The following PDILT variants were observed in gnomAD, a reference collection of about 807,000 sequenced individuals.
The protein encoded by PDILT is protein disulfide isomerase like, testis expressed.
A neutral mutation model predicts 53.7 loss-of-function variants in PDILT; 43 were observed. The observed-to-expected ratio is 0.80, with a 90% CI of 0.63 to 1.03. The LOEUF is 1.03. PDILT is among the 50% of genes least tolerant of loss of function. The pLI, the probability that PDILT is intolerant of heterozygous loss-of-function variation, is 0.00. For missense variants in PDILT, 727 were observed against 712.3 expected, an observed-to-expected ratio of 1.02 and a Z score of -0.24; for synonymous variants, 282 against 274.2, an observed-to-expected ratio of 1.03 and a Z score of -0.28.
At position 20,365,452 on chromosome 16, in the gene PDILT, A is replaced by G. The variant is rs1186341114; in HGVS notation, c.1205T>C (p.Phe402Ser). The G allele has an allele frequency of 6.2e-7, 1 of 1,613,970 alleles. No individual in the cohort carries two copies. The highest frequency in any genetic ancestry group is 8.5e-7 in the Non-Finnish European group (1 of 1,179,950). Residue 402 changes from phenylalanine (F) to serine (S), a missense_variant, in exon 9 of 12, where the codon TTT (phenylalanine) becomes TCT (serine). Coordinates refer to ENST00000302451, the MANE Select transcript of PDILT (RefSeq NM_174924.2). ...CACAAATACGTCCTTTTCTTTGTCA[A>G]AGACGACTACGTTGAAGTTCTTCCC... ...LVGKNFNVVV[F>S]DKEKDVFVMF...
At position 20,372,939 on chromosome 16, in the gene PDILT, AG is replaced by A; in HGVS notation, c.793-13del. The stretch of plus-strand genomic sequence containing the variant: ...ATCAGATCCTTATTCTGAAATGACC[AG>A]GAAAATATGTCATCCCAAGCACACA... On this transcript the variant is annotated splice_polypyrimidine_tract_variant and intron_variant, in intron 6 of 11. Coordinates refer to ENST00000302451, the MANE Select transcript of PDILT (RefSeq NM_174924.2). The A allele has an allele frequency of 6.2e-7, 1 of 1,614,062 alleles. No homozygotes were observed. The highest frequency in any genetic ancestry group is 8.5e-7 in the Non-Finnish European group (1 of 1,179,924).
intron 2 of PDILT, among the ~76,000 whole-genome samples, chr16:20,396,249 T>C (rs529335137): frequency 5.3e-5 from 8 of 152,310 alleles, no homozygotes; most frequent in South Asian, 4.1e-4. Context: ...CAAGGCCACA[T>C]ATCCAGTTTA....
intron 2 of PDILT, 102 bp from the exon 3 acceptor site, chr16:20,384,953 T>C (rs947449281): frequency 8.9e-7 from 1 of 1,118,106 alleles, no homozygotes; most frequent in Non-Finnish European, 1.3e-6. Flanking sequence ...ACCTTTCTTG[T>C]GCTCAGCGGT....
chr16:20,378,748 C>T (rs558044085), intron 3 of PDILT, among the ~76,000 whole-genome samples: 1 of 152,288 alleles, frequency 6.6e-6, no homozygotes, highest in East Asian at 1.9e-4. Flanking sequence ...ATGATGACTT[C>T]CAGCTTCATC....
rs150545555 is a variant in PDILT, at chr16:20,393,497, T to A, written c.202+5602A>T. On this transcript the variant is annotated intron_variant, in intron 2 of 11. Coordinates refer to ENST00000302451, the MANE Select transcript of PDILT (RefSeq NM_174924.2). ...AATTGGACATTCCTTGTGGGAACTA[T>A]AAATGTTAACGGTAGAAAAAGAAGG... Among the ~76,000 whole-genome samples, 3 of 152,316 alleles carry A rather than the reference T, an allele frequency of 2.0e-5. No homozygotes were observed. In the South Asian group the frequency reaches 6.2e-4, roughly 32 times the overall value.
intron 5 of PDILT, 48 bp from the exon 6 acceptor site, chr16:20,373,170 T>A: frequency 7.0e-7 from 1 of 1,431,718 alleles, no homozygotes; most frequent in Non-Finnish European, 9.8e-7. Flanking sequence ...TTTCATGATA[T>A]AGCCACTTAA....
At chr16:20,400,277 G>A (rs1966720716) in intron 1 of PDILT, among the ~76,000 whole-genome samples, 1 of 151,990 alleles carries the variant, frequency 6.6e-6, no homozygotes, top group Non-Finnish European at 1.5e-5. Flanking sequence ...GTTCCACCAT[G>A]TTGGCCAGGC....
chr16:20,382,693 G>A (rs568898234), intron 3 of PDILT, among the ~76,000 whole-genome samples: 3 of 152,342 alleles, frequency 2.0e-5, no homozygotes, highest in South Asian at 2.1e-4. Context: ...GTGTCAGGCC[G>A]TGTGCCTTGC....
chr16:20,368,103 G>A (rs143143998), intron 8 of PDILT, among the ~76,000 whole-genome samples: 18 of 152,270 alleles, frequency 1.2e-4, no homozygotes, highest in Non-Finnish European at 2.6e-4. Context: ...TGTCCTGGAG[G>A]GAAAAATCAG....
At chr16:20,372,038 C>A (rs1311362700) in intron 7 of PDILT, among the ~76,000 whole-genome samples, 1 of 152,040 alleles carries the variant, frequency 6.6e-6, no homozygotes, top group Admixed American at 6.5e-5. Flanking sequence ...AAAACCCTGC[C>A]ATGATTATAC....
chr16:20,367,063 CTTTCTTTCTTTCTTTCTTTCTTTCTTT>C lies in PDILT; in HGVS notation c.1117-1550_1117-1524del, dbSNP rs1966218286. ...TCTTTCTTTCTTTCTTTCTTTCTTT[CTTTCTTTCTTTCTTTCTTTCTTTCTTT>C]CTTTCTTTCTTTCTTCCTTTCTTTC... is the stretch of plus-strand genomic sequence containing the variant. On this transcript the variant is annotated intron_variant, in intron 8 of 11. Transcript: ENST00000302451. 3.4e-5 allele frequency among the ~76,000 whole-genome samples: 4 copies of C among 116,484 alleles called. 1 individual carries two copies. Among genetic ancestry groups the C allele is most frequent in the African/African-American group, 7.0e-5 (2 of 28,550 alleles). The allele number at this position is 116,484 out of a possible 152,430, so 76.4% of individuals were successfully genotyped here. A position where few individuals can be genotyped will look rare whatever the true frequency, so the allele number is the denominator to read the frequency against.
rs566324255 is a variant in PDILT, at chr16:20,363,611, G to A, written c.1238-1029C>T. ...CAGAGTAATTAAGCAGAAGAAGTGG[G>A]GTTTAAAGACAGGCTGCTTTGACCT... On this transcript the variant is annotated intron_variant, in intron 9 of 11. Transcript: ENST00000302451. Among the ~76,000 whole-genome samples the A allele has an allele frequency of 3.3e-5, 5 of 152,038 alleles. No individual in the cohort carries two copies. The South Asian group carries it at 1.0e-3, about 32-fold the overall frequency.
rs146871700 is a variant in PDILT at position 20,394,586 on chromosome 16, T to C, written c.202+4513A>G. On this transcript the variant is annotated intron_variant, in intron 2 of 11. Coordinates refer to ENST00000302451, the MANE Select transcript of PDILT (RefSeq NM_174924.2). Reference sequence around the variant, plus strand: ...TCACACTTTAATGTATGTGAATCACTTGAGAATCTTGTTAAAATGCAGATT... The same window carrying C: ...TCACACTTTAATGTATGTGAATCACCTGAGAATCTTGTTAAAATGCAGATT... Among the ~76,000 whole-genome samples the C allele has an allele frequency of 1.3e-3, 201 of 152,368 alleles. 1 individual carries two copies. Among genetic ancestry groups the C allele is most frequent in the East Asian group, 0.013 (65 of 5,188 alleles).
chr16:20,378,374 C>G (rs1966416209), intron 3 of PDILT, among the ~76,000 whole-genome samples: 1 of 152,158 alleles, frequency 6.6e-6, no homozygotes, highest in Non-Finnish European at 1.5e-5. Flanking sequence ...AACCACCACT[C>G]TAACTACTTC....
rs201680676 is a variant in PDILT, at chr16:20,400,069, TA to T, written c.-7-763del. 7.6e-3 allele frequency among the ~76,000 whole-genome samples: 1,031 copies of T among 135,290 alleles called. 14 individuals are homozygous for T. Among genetic ancestry groups the T allele is most frequent in the South Asian group, 0.018 (77 of 4,328 alleles). 88.8% of individuals were successfully genotyped at this position (135,290 alleles called of 152,430 possible). A position where few individuals can be genotyped will look rare whatever the true frequency, so the allele number is the denominator to read the frequency against. ...ATCTATCTATCTATATATATATATA[TA>T]TATTTTTTGAGACGGAGTTTTGCTC... On this transcript the variant is annotated intron_variant, in intron 1 of 11. Transcript: ENST00000302451.
chr16:20,398,098 G>A (rs984170030), intron 2 of PDILT, among the ~76,000 whole-genome samples: 4 of 152,244 alleles, frequency 2.6e-5, no homozygotes, highest in East Asian at 1.9e-4. Flanking sequence ...CCCATCACAC[G>A]GGGTTGTGAG....
At chr16:20,373,306 A>T (rs1054523022) in intron 5 of PDILT, among the ~76,000 whole-genome samples, 184 bp from the exon 6 acceptor site, 1 of 152,184 alleles carries the variant, frequency 6.6e-6, no homozygotes. Flanking sequence ...AGTGGGTAGA[A>T]TCTGGGTAGG....
intron 2 of PDILT, among the ~76,000 whole-genome samples, chr16:20,394,222 G>T (rs552235570): frequency 1.3e-5 from 2 of 152,284 alleles, no homozygotes; most frequent in East Asian, 3.9e-4. Flanking sequence ...CTGAGCCAAG[G>T]CAATCTCTTG....
intron 2 of PDILT, among the ~76,000 whole-genome samples, chr16:20,391,414 T>C (rs984642237): frequency 4.6e-5 from 7 of 152,152 alleles, no homozygotes; most frequent in Admixed American, 3.3e-4. Flanking sequence ...CACATCATGC[T>C]CACCATCATC....
Sources: gnomAD v4.1 joint callset for allele counts (sites outside exome capture counted in the v4.1 genomes callset) on GRCh38, gnomAD v4.1.1 for gene constraint, MANE v1.5 for transcripts, NCBI Gene and HGNC (gene_info 2026-07-23, HGNC 2026-07-21) for gene names.